The following FSTL5 variants were observed in gnomAD, a reference collection of about 807,000 sequenced individuals.
FSTL5 encodes the protein follistatin-related protein 5.
A neutral mutation model predicts 89.1 loss-of-function variants in FSTL5; 62 were observed. The observed-to-expected ratio is 0.70, with a 90% CI of 0.57 to 0.86. The LOEUF is 0.86. FSTL5 is among the 40% of genes least tolerant of loss of function. The pLI, the probability that FSTL5 is intolerant of heterozygous loss-of-function variation, is 0.00. For missense variants in FSTL5, 1,057 were observed against 1,001.6 expected, an observed-to-expected ratio of 1.06 and a Z score of -0.75; for synonymous variants, 383 against 346.2, an observed-to-expected ratio of 1.11 and a Z score of -1.18.
At chr4:161,551,428 G>A (rs1448960103) in intron 8 of FSTL5, among the ~76,000 whole-genome samples, 1 of 151,410 alleles carries the variant, frequency 6.6e-6, no homozygotes, top group Non-Finnish European at 1.5e-5. Context: ...TTTTGATGGG[G>A]TTGTTTGTTT....
rs749349433 is a variant in FSTL5 at position 161,920,667 on chromosome 4, A to AG, written c.161-16_161-15insC. The AG allele has an allele frequency of 6.3e-7, 1 of 1,596,574 alleles. No individual in the cohort carries two copies. On this transcript the variant is annotated splice_polypyrimidine_tract_variant and intron_variant, in intron 3 of 15. Transcript: ENST00000306100. ...AATCATAAATCCTGAAGAATTAAAAAAAAATTGAAAATCGTTTGGTTCATT... is the reference window on the plus strand; with the variant it reads ...AATCATAAATCCTGAAGAATTAAAAAGAAAATTGAAAATCGTTTGGTTCATT...
chr4:162,044,722 T>C (rs1031005074), intron 2 of FSTL5, among the ~76,000 whole-genome samples: 6 of 152,220 alleles, frequency 3.9e-5, no homozygotes, highest in Admixed American at 1.3e-4. Flanking sequence ...TCTTAGGTTT[T>C]CTTAATAACT....
intron 8 of FSTL5, among the ~76,000 whole-genome samples, chr4:161,551,340 A>G (rs866276688): frequency 2.0e-5 from 3 of 149,908 alleles, no homozygotes; most frequent in African/African-American, 7.4e-5. Context: ...GCCAGTGATG[A>G]TGAGCATTTT....
At chr4:161,908,489 G>T (rs941415853) in intron 4 of FSTL5, among the ~76,000 whole-genome samples, 1 of 151,810 alleles carries the variant, frequency 6.6e-6, no homozygotes, top group Non-Finnish European at 1.5e-5. Flanking sequence ...TAATTATACT[G>T]ATGCTCAATT....
At chr4:162,053,995 C>G (rs1738463164) in intron 2 of FSTL5, among the ~76,000 whole-genome samples, 1 of 151,342 alleles carries the variant, frequency 6.6e-6, no homozygotes, top group Non-Finnish European at 1.5e-5. Flanking sequence ...TAATAAAACC[C>G]AAAGTAAAAT....
At chr4:162,156,297 A>T (rs1212678642) in intron 1 of FSTL5, among the ~76,000 whole-genome samples, 1 of 152,196 alleles carries the variant, frequency 6.6e-6, no homozygotes, top group African/African-American at 2.4e-5. Flanking sequence ...ATTGGTGGGA[A>T]TATAGATTAC....
intron 3 of FSTL5, among the ~76,000 whole-genome samples, chr4:161,967,159 T>A (rs1354191121): frequency 6.6e-6 from 1 of 152,070 alleles, no homozygotes; most frequent in Non-Finnish European, 1.5e-5. Flanking sequence ...ATTTTAATTT[T>A]AGTTTAGTTT....
chr4:161,437,576 A>T (rs981312208), intron 15 of FSTL5, among the ~76,000 whole-genome samples: 1 of 149,896 alleles, frequency 6.7e-6, no homozygotes, highest in Non-Finnish European at 1.5e-5. Flanking sequence ...AAAAAAAAAA[A>T]AAAAAACGAG....
At chr4:161,692,878 C>A (rs1010249394) in intron 6 of FSTL5, among the ~76,000 whole-genome samples, 2 of 152,194 alleles carry the variant, frequency 1.3e-5, no homozygotes, top group East Asian at 3.9e-4. Context: ...CACACGCCAC[C>A]ACACCTGGCT....
At chr4:161,714,040 T>C (rs1482998131) in intron 6 of FSTL5, among the ~76,000 whole-genome samples, 2 of 152,200 alleles carry the variant, frequency 1.3e-5, no homozygotes, top group African/African-American at 2.4e-5. Context: ...AATCTCATTG[T>C]TTTAAATTTT....
intron 6 of FSTL5, among the ~76,000 whole-genome samples, chr4:161,702,510 C>T (rs1422132701): frequency 6.6e-6 from 1 of 152,072 alleles, no homozygotes; most frequent in Non-Finnish European, 1.5e-5. Context: ...CAGGGTATCG[C>T]TTTAGAGTAA....
At chr4:161,897,774 C>G (rs1733213729) in intron 4 of FSTL5, among the ~76,000 whole-genome samples, 1 of 151,590 alleles carries the variant, frequency 6.6e-6, no homozygotes, top group Non-Finnish European at 1.5e-5. Context: ...TTGTGTTGTA[C>G]ATTTGGTTCT....
chr4:161,905,458 G>A (rs939581629), intron 4 of FSTL5, among the ~76,000 whole-genome samples: 21 of 152,130 alleles, frequency 1.4e-4, no homozygotes, highest in Admixed American at 6.6e-5. Context: ...AGCTGATGAC[G>A]AGCCACTTTT....
chr4:161,654,757 A>T (rs1736458987), intron 7 of FSTL5, among the ~76,000 whole-genome samples: 1 of 152,096 alleles, frequency 6.6e-6, no homozygotes, highest in Non-Finnish European at 1.5e-5. Context: ...TTGAATGAGG[A>T]TAAAAAATAT....
chr4:162,084,609 T>G (rs1161395231), intron 2 of FSTL5, among the ~76,000 whole-genome samples: 1 of 152,068 alleles, frequency 6.6e-6, no homozygotes, highest in Non-Finnish European at 1.5e-5. Context: ...AAGAATTAGT[T>G]CATGTCCTTT....
At chr4:162,148,740 C>T (rs778863627) in intron 1 of FSTL5, among the ~76,000 whole-genome samples, 31 of 152,060 alleles carry the variant, frequency 2.0e-4, no homozygotes, top group Admixed American at 6.6e-4. Flanking sequence ...TGAAAGTGCA[C>T]GTGATTTATT....
intron 4 of FSTL5, among the ~76,000 whole-genome samples, chr4:161,788,586 A>T (rs1741996283): frequency 6.6e-6 from 1 of 152,308 alleles, no homozygotes; most frequent in South Asian, 2.1e-4. Flanking sequence ...TAGTAAAAAC[A>T]CTTTGAAACA....
At chr4:161,474,545 GT>G (rs56697910) in intron 13 of FSTL5, among the ~76,000 whole-genome samples, 1,462 of 144,570 alleles carry the variant, frequency 0.01, 17 homozygotes, top group South Asian at 0.045. Flanking sequence ...TTGTGTAGTG[GT>G]TTTTTTTTTT....
intron 3 of FSTL5, among the ~76,000 whole-genome samples, chr4:161,968,720 CAAGT>C (rs1225312765): frequency 1.3e-5 from 2 of 152,028 alleles, no homozygotes; most frequent in Non-Finnish European, 2.9e-5. Flanking sequence ...CCTGTTGTGA[CAAGT>C]AACACCACAT....
Sources: allele counts gnomAD v4.1 joint callset (sites outside exome capture counted in the v4.1 genomes callset), GRCh38; gene constraint gnomAD v4.1.1; transcripts MANE v1.5; gene names NCBI Gene and HGNC (gene_info 2026-07-23, HGNC 2026-07-21).